OR52B6: variants seen among roughly 807,000 people sequenced by gnomAD.
OR52B6 encodes olfactory receptor 52B6.
For missense variants in OR52B6, 433 were observed against 416.8 expected, an observed-to-expected ratio of 1.04 and a Z score of -0.34; for synonymous variants, 169 against 160.0, an observed-to-expected ratio of 1.06 and a Z score of -0.42.
In OR52B6 at chr11:5,581,252, T is replaced by C. The variant is rs955215768; in HGVS notation, c.376T>C (p.Phe126Leu). ...GCLTQMFFIH[F>L]LFIHSAVLLA... ...CCTCACTCAGATGTTCTTCATTCAC[T>C]TCCTCTTCATTCACTCTGCTGTCCT... The change falls in exon 1 of 1, where the codon TTC becomes CTC. Residue 126 changes from phenylalanine to leucine, a missense_variant. Phe to Leu is a conservative substitution (Grantham distance 22). Coordinates refer to ENST00000345043, the MANE Select transcript of OR52B6 (RefSeq NM_001005162.2). 12 of 1,614,132 alleles carry C rather than the reference T, an allele frequency of 7.4e-6. No homozygotes were observed. Among genetic ancestry groups the C allele is most frequent in the Non-Finnish European group, 1.0e-5 (12 of 1,180,006 alleles).
In OR52B6 at chr11:5,581,693, C is replaced by A. The variant is rs760824626; in HGVS notation, c.817C>A (p.Pro273Thr). ...HICVILLFYVPALFSVFAYRF... is the reference protein window; with the variant it reads ...HICVILLFYVTALFSVFAYRF... ...CTGTGTCATCCTACTCTTCTATGTC[C>A]CTGCGCTTTTTTCTGTCTTTGCCTA... is the stretch of plus-strand genomic sequence containing the variant. Residue 273 changes from proline to threonine, a missense_variant, in exon 1 of 1, where the codon CCT (proline) becomes ACT (threonine). Pro to Thr is a conservative substitution (Grantham distance 38). Coordinates refer to ENST00000345043, the MANE Select transcript of OR52B6 (RefSeq NM_001005162.2). The A allele has an allele frequency of 6.2e-7, 1 of 1,613,908 alleles. No homozygotes were observed.
At position 5,581,164 on chromosome 11, in the gene OR52B6, C is replaced by T; in HGVS notation, c.288C>T (p.Thr96=). The T allele has an allele frequency of 1.9e-6, 3 of 1,613,276 alleles. No homozygotes were observed. Among genetic ancestry groups the T allele is most frequent in the Non-Finnish European group, 2.5e-6 (3 of 1,179,506 alleles). ...GTGCTGATGTCTTGCTCTCTACCAC[C>T]ACCATGCCTAAGGCCCTGGCCAATT... The part of the protein sequence containing the change: ...LASADVLLST[T]TMPKALANLW... Residue 96 remains threonine (T), a synonymous_variant, in exon 1 of 1, where the codon ACC becomes ACT. Transcript: ENST00000345043.
At position 5,581,680 on chromosome 11, in the gene OR52B6, A is replaced by G. The variant is rs1198370107; in HGVS notation, c.804A>G (p.Leu268=). 2 of 1,612,964 alleles carry G rather than the reference A, an allele frequency of 1.2e-6. No homozygotes were observed. The highest frequency in any genetic ancestry group is 2.7e-5 in the African/African-American group (2 of 74,586). ...GTGGATCCCATATCTGTGTCATCCT[A>G]CTCTTCTATGTCCCTGCGCTTTTTT... ...STCGSHICVI[L]LFYVPALFSV... is the part of the protein sequence containing the mutation. The change falls in exon 1 of 1, where the codon CTA becomes CTG. Residue 268 remains leucine (L), a synonymous_variant. Transcript: ENST00000345043.
Position 5,581,565 on chromosome 11 carries a change from T to A in OR52B6, c.689T>A (p.Ile230Asn). ...AAALLSTGLD[I>N]MLITVSYIHI... ...GCTCTTCTCTCCACAGGCCTAGACA[T>A]CATGCTTATTACTGTTTCCTACATC... is the stretch of plus-strand genomic sequence containing the variant. Residue 230 changes from isoleucine (I) to asparagine (N), a missense_variant, in exon 1 of 1, where the codon ATC becomes AAC. By Grantham distance (149) the Ile-to-Asn change is moderately radical (BLOSUM62 -3). Transcript: ENST00000345043. 1 of 1,614,150 alleles carries A rather than the reference T, an allele frequency of 6.2e-7. No individual in the cohort carries two copies. The highest frequency in any genetic ancestry group is 8.5e-7 in the Non-Finnish European group (1 of 1,180,026).
Position 5,581,848 on chromosome 11 carries a change from G to A in OR52B6, c.972G>A (p.Lys324=), listed in dbSNP as rs1943372939. 1 of 1,593,964 alleles carries A rather than the reference G, an allele frequency of 6.3e-7. No individual in the cohort carries two copies. Among genetic ancestry groups the A allele is most frequent in the Admixed American group, 1.8e-5 (1 of 54,722 alleles). The part of the protein sequence containing the change: ...VRTKPILEGA[K]QMFSNLAKGS... The stretch of plus-strand genomic sequence containing the variant: ...CTAAGCCAATACTGGAAGGGGCTAA[G>A]CAGATGTTTTCAAATCTTGCCAAAG... Residue 324 remains lysine (K), a synonymous_variant, in exon 1 of 1, where the codon AAG becomes AAA. Transcript: ENST00000345043.
At position 5,581,578 on chromosome 11, in the gene OR52B6, T is replaced by C. The variant is rs746452274; in HGVS notation, c.702T>C (p.Thr234=). ...LSTGLDIMLI[T]VSYIHILQAV... ...CAGGCCTAGACATCATGCTTATTAC[T>C]GTTTCCTACATCCACATCCTCCAAG... is the stretch of plus-strand genomic sequence containing the variant. The change falls in exon 1 of 1, where the codon ACT becomes ACC. Residue 234 remains threonine, a synonymous_variant. Coordinates refer to ENST00000345043, the MANE Select transcript of OR52B6 (RefSeq NM_001005162.2). 3 of 1,614,200 alleles carry C rather than the reference T, an allele frequency of 1.9e-6. No homozygotes were observed. Among genetic ancestry groups the C allele is most frequent in the South Asian group, 1.1e-5 (1 of 91,090 alleles).
In OR52B6 at chr11:5,581,698, G is replaced by C. The variant is rs10838375; in HGVS notation, c.822G>C (p.Ala274=). The change falls in exon 1 of 1, where the codon GCG becomes GCC. Residue 274 remains alanine, a synonymous_variant. Transcript: ENST00000345043. ...TCATCCTACTCTTCTATGTCCCTGC[G>C]CTTTTTTCTGTCTTTGCCTACAGGT... ...ICVILLFYVP[A]LFSVFAYRFG... The C allele has an allele frequency of 0.51, 818,281 of 1,612,552 alleles. 218,305 individuals are homozygous for C. Among genetic ancestry groups the C allele is most frequent in the East Asian group, 0.98 (43,804 of 44,866 alleles).
rs374911585 is a variant in OR52B6, at chr11:5,581,641, G to A, written c.765G>A (p.Lys255=). 172 of 1,614,010 alleles carry A rather than the reference G, an allele frequency of 1.1e-4. No individual in the cohort carries two copies. Among genetic ancestry groups the A allele is most frequent in the Non-Finnish European group, 1.2e-4 (138 of 1,180,036 alleles). Residue 255 remains lysine (K), a synonymous_variant, in exon 1 of 1, where the codon AAG becomes AAA. Coordinates refer to ENST00000345043, the MANE Select transcript of OR52B6 (RefSeq NM_001005162.2). ...FRLLSQDARS[K]ALSTCGSHIC... Reference sequence around the variant, plus strand: ...TCCTTTCTCAAGATGCCCGCTCCAAGGCCCTGAGTACCTGTGGATCCCATA... The same window carrying A: ...TCCTTTCTCAAGATGCCCGCTCCAAAGCCCTGAGTACCTGTGGATCCCATA...
In OR52B6 at chr11:5,581,342, A is replaced by C; in HGVS notation, c.466A>C (p.Thr156Pro). Residue 156 changes from threonine (T) to proline (P), a missense_variant, in exon 1 of 1, where the codon ACA (threonine) becomes CCA (proline). Transcript: ENST00000345043. ...CSPLRYVTIL[T>P]SKVIGKIVTA... Reference sequence around the variant, plus strand: ...CCCCCTGCGATATGTCACAATCCTCACAAGCAAGGTCATTGGGAAGATCGT... The same window carrying C: ...CCCCCTGCGATATGTCACAATCCTCCCAAGCAAGGTCATTGGGAAGATCGT... 1 of 1,612,984 alleles carries C rather than the reference A, an allele frequency of 6.2e-7. No homozygotes were observed. The highest frequency in any genetic ancestry group is 1.1e-5 in the South Asian group (1 of 90,794).
rs372663587 is a variant in OR52B6, at chr11:5,581,320, C to G, written c.444C>G (p.Pro148=). 1.3e-5 allele frequency: 21 copies of G among 1,613,236 alleles called. No homozygotes were observed. Among genetic ancestry groups the G allele is most frequent in the South Asian group, 1.2e-4 (11 of 90,870 alleles). The part of the protein sequence containing the change: ...AFDRYVAICS[P]LRYVTILTSK... The stretch of plus-strand genomic sequence containing the variant: ...ACCGCTATGTGGCCATCTGCTCCCC[C>G]CTGCGATATGTCACAATCCTCACAA... Residue 148 remains proline, a synonymous_variant, in exon 1 of 1, where the codon CCC becomes CCG. Transcript: ENST00000345043.
At position 5,581,804 on chromosome 11, in the gene OR52B6, G is replaced by C; in HGVS notation, c.928G>C (p.Val310Leu). 1 of 1,613,278 alleles carries C rather than the reference G, an allele frequency of 6.2e-7. No homozygotes were observed. The highest frequency in any genetic ancestry group is 8.5e-7 in the Non-Finnish European group (1 of 1,179,374). ...YVVIPPMLNPVIYGVRTKPIL... is the reference protein window; with the variant it reads ...YVVIPPMLNPLIYGVRTKPIL... Reference sequence around the variant, plus strand: ...TGTCATTCCTCCTATGCTCAATCCCGTTATTTATGGAGTGAGGACTAAGCC... The same window carrying C: ...TGTCATTCCTCCTATGCTCAATCCCCTTATTTATGGAGTGAGGACTAAGCC... Residue 310 changes from valine to leucine, a missense_variant, in exon 1 of 1, where the codon GTT (valine) becomes CTT (leucine). Transcript: ENST00000345043.
At position 5,581,195 on chromosome 11, in the gene OR52B6, C is replaced by A. The variant is rs777125359; in HGVS notation, c.319C>A (p.Leu107Ile). ...GCCTAAGGCCCTGGCCAATTTGTGG[C>A]TAGGTTATAGCCTCATTTCCTTTGA... is the stretch of plus-strand genomic sequence containing the variant. ...TMPKALANLW[L>I]GYSLISFDGC... is the part of the protein sequence containing the mutation. Residue 107 changes from leucine to isoleucine, a missense_variant, in exon 1 of 1, where the codon CTA becomes ATA. Coordinates refer to ENST00000345043, the MANE Select transcript of OR52B6 (RefSeq NM_001005162.2). The A allele has an allele frequency of 2.5e-6, 4 of 1,613,072 alleles. No homozygotes were observed. Among genetic ancestry groups the A allele is most frequent in the Non-Finnish European group, 2.5e-6 (3 of 1,179,512 alleles).
At position 5,581,045 on chromosome 11, in the gene OR52B6, A is replaced by C; in HGVS notation, c.169A>C (p.Thr57Pro). 1 of 1,613,718 alleles carries C rather than the reference A, an allele frequency of 6.2e-7. No homozygotes were observed. The highest frequency in any genetic ancestry group is 1.1e-5 in the South Asian group (1 of 91,060). ...LSIPFCIMYI[T>P]ALEGNGILIC... ...CATCCCCTTCTGCATCATGTACATC[A>C]CTGCCCTGGAAGGCAATGGCATCCT... Residue 57 changes from threonine (T) to proline (P), a missense_variant, in exon 1 of 1, where the codon ACT becomes CCT. By Grantham distance (38) the Thr-to-Pro change is conservative (BLOSUM62 -1). Coordinates refer to ENST00000345043, the MANE Select transcript of OR52B6 (RefSeq NM_001005162.2).
chr11:5,581,282 G>A lies in OR52B6; in HGVS notation c.406G>A (p.Ala136Thr), dbSNP rs550065331. 1.2e-6 allele frequency: 2 copies of A among 1,613,886 alleles called. No homozygotes were observed. Among genetic ancestry groups the A allele is most frequent in the African/African-American group, 2.7e-5 (2 of 75,008 alleles). ...CTTCATTCACTCTGCTGTCCTGCTGGCCATGGCCTTTGACCGCTATGTGGC... is the reference window on the plus strand; with the variant it reads ...CTTCATTCACTCTGCTGTCCTGCTGACCATGGCCTTTGACCGCTATGTGGC... ...FLFIHSAVLL[A>T]MAFDRYVAIC... Residue 136 changes from alanine to threonine, a missense_variant, in exon 1 of 1, where the codon GCC becomes ACC. Transcript: ENST00000345043.
Position 5,581,004 on chromosome 11 carries a change from T to G in OR52B6, c.128T>G (p.Leu43Arg), listed in dbSNP as rs756748302. Residue 43 changes from leucine to arginine, a missense_variant, in exon 1 of 1, where the codon CTA becomes CGA. By Grantham distance (102) the Leu-to-Arg change is moderately radical. Coordinates refer to ENST00000345043, the MANE Select transcript of OR52B6 (RefSeq NM_001005162.2). ...FLTGIPGLEQ[L>R]HIWLSIPFCI... The stretch of plus-strand genomic sequence containing the variant: ...ACTGGCATCCCTGGGCTGGAGCAAC[T>G]ACATATCTGGCTGTCCATCCCCTTC... The G allele has an allele frequency of 1.9e-6, 3 of 1,614,154 alleles. No individual in the cohort carries two copies. The highest frequency in any genetic ancestry group is 2.5e-6 in the Non-Finnish European group (3 of 1,179,998).
In OR52B6 at chr11:5,580,886, G is replaced by A. The variant is rs1402645714; in HGVS notation, c.10G>A (p.Val4Met). The change falls in exon 1 of 1, where the codon GTG (valine) becomes ATG (methionine). Residue 4 changes from valine to methionine, a missense_variant. Val to Met is a conservative substitution (Grantham distance 21). Transcript: ENST00000345043. ...AAGCTCTTTTTTCCCTATGGCACAG[G>A]TGAGGGCGCTGCATAAAATCATGGC... Reference protein sequence around the residue: MAQVRALHKIMALF... With the variant: MAQMRALHKIMALF... 4 of 1,569,048 alleles carry A rather than the reference G, an allele frequency of 2.5e-6. No individual in the cohort carries two copies. Among genetic ancestry groups the A allele is most frequent in the Non-Finnish European group, 2.6e-6 (3 of 1,160,514 alleles).
chr11:5,581,751 T>C lies in OR52B6; in HGVS notation c.875T>C (p.Val292Ala), dbSNP rs1449129803. 1.2e-6 allele frequency: 2 copies of C among 1,614,006 alleles called. No individual in the cohort carries two copies. Among genetic ancestry groups the C allele is most frequent in the East Asian group, 2.2e-5 (1 of 44,898 alleles). Residue 292 changes from valine to alanine, a missense_variant, in exon 1 of 1, where the codon GTC becomes GCC. Physicochemically the swap from Val to Ala is moderately conservative, Grantham distance 64. Transcript: ENST00000345043. ...RFGGRSVPCY[V>A]HILLASLYVV... ...GGTGGGAGAAGCGTCCCATGCTATGTCCATATTCTCCTGGCCAGCCTCTAC... is the reference window on the plus strand; with the variant it reads ...GGTGGGAGAAGCGTCCCATGCTATGCCCATATTCTCCTGGCCAGCCTCTAC...
chr11:5,581,513 A>G lies in OR52B6; in HGVS notation c.637A>G (p.Ile213Val). The stretch of plus-strand genomic sequence containing the variant: ...CCATCTGTCCTGTTCTGATATCTCC[A>G]TCAATGTCTGGTATGGGTTGGCAGC... ...IAHLSCSDIS[I>V]NVWYGLAAAL... Residue 213 changes from isoleucine (I) to valine (V), a missense_variant, in exon 1 of 1, where the codon ATC becomes GTC. Transcript: ENST00000345043. 6.2e-7 allele frequency: 1 copy of G among 1,613,994 alleles called. No individual in the cohort carries two copies. The highest frequency in any genetic ancestry group is 8.5e-7 in the Non-Finnish European group (1 of 1,179,988).
In OR52B6 at chr11:5,581,522, T is replaced by C; in HGVS notation, c.646T>C (p.Trp216Arg). ...CTGTTCTGATATCTCCATCAATGTCTGGTATGGGTTGGCAGCTGCTCTTCT... is the reference window on the plus strand; with the variant it reads ...CTGTTCTGATATCTCCATCAATGTCCGGTATGGGTTGGCAGCTGCTCTTCT... ...LSCSDISINV[W>R]YGLAAALLST... The change falls in exon 1 of 1, where the codon TGG becomes CGG. Residue 216 changes from tryptophan (W) to arginine (R), a missense_variant. Physicochemically the swap from Trp to Arg is moderately radical, Grantham distance 101. Coordinates refer to ENST00000345043, the MANE Select transcript of OR52B6 (RefSeq NM_001005162.2). 6.2e-7 allele frequency: 1 copy of C among 1,614,070 alleles called. No homozygotes were observed. The highest frequency in any genetic ancestry group is 1.1e-5 in the South Asian group (1 of 91,054).
Sources: allele counts gnomAD v4.1 joint callset, GRCh38; gene constraint gnomAD v4.1.1; transcripts MANE v1.5; gene names NCBI Gene and HGNC (gene_info 2026-07-23, HGNC 2026-07-21).